Variants in MAST4 observed in about 807,000 individuals in gnomAD.
MAST4 encodes the protein microtubule associated serine/threonine kinase family member 4.
In MAST4, 89 loss-of-function variants were observed where a neutral mutation model predicts 162.7. The ratio of observed to expected loss-of-function variants is 0.55; its 90% CI spans 0.46 to 0.65. The LOEUF is 0.65. Ranked by LOEUF, MAST4 falls within the 30% of genes least tolerant of loss-of-function variation. MAST4 has a pLI of 0.00. For missense variants in MAST4, 3,153 were observed against 3,374.0 expected (o/e 0.93, Z 1.62); for synonymous variants, 1,479 against 1,361.1 (o/e 1.09, Z -1.91).
chr5:66,979,355 T>C (rs1748508469), intron 4 of MAST4, among the ~76,000 whole-genome samples: 1 of 152,088 alleles, frequency 6.6e-6, no homozygotes, highest in South Asian at 2.1e-4. Flanking sequence ...TGCTCCTTGT[T>C]CCTGTGGTTT....
chr5:66,825,318 C>T (rs1757195015), intron 3 of MAST4, among the ~76,000 whole-genome samples: 1 of 124,100 alleles, frequency 8.1e-6, no homozygotes, highest in Non-Finnish European at 1.8e-5. Context: ...ACACACAGGC[C>T]TAGTCCTACA....
At chr5:66,752,340 A>G (rs1375277658) in intron 1 of MAST4, among the ~76,000 whole-genome samples, 1 of 151,034 alleles carries the variant, frequency 6.6e-6, no homozygotes, top group Non-Finnish European at 1.5e-5. Context: ...ATTAAAAGAC[A>G]CAGACTGGCA....
intron 5 of MAST4, among the ~76,000 whole-genome samples, chr5:67,058,403 C>T (rs75612784): frequency 0.016 from 2,468 of 152,136 alleles, 46 homozygotes; most frequent in African/African-American, 0.044. Flanking sequence ...CCCTTTTGCC[C>T]GGCAAATTAA....
intron 3 of MAST4, among the ~76,000 whole-genome samples, chr5:66,850,436 C>A (rs1391568410): frequency 6.6e-6 from 1 of 152,120 alleles, no homozygotes; most frequent in Admixed American, 6.6e-5. Flanking sequence ...TCTGTGTGGC[C>A]ACATTGAACT....
At chr5:67,100,373 C>T (rs1196018231) in intron 7 of MAST4, 62 bp from the exon 8 acceptor site, 2 of 1,556,490 alleles carry the variant, frequency 1.3e-6, no homozygotes, top group Non-Finnish European at 1.8e-6. Context: ...ATCGATCTCT[C>T]CTGTTCATTT....
At position 66,923,735 on chromosome 5, in the gene MAST4, C is replaced by G. The variant is rs376408272; in HGVS notation, c.674+23753C>G. Reference sequence around the variant, plus strand: ...GGTTGCTGCTCTAGAAATCATCCTGCCTGTGTTTGTAACCCTGCCTGCTGA... The same window carrying G: ...GGTTGCTGCTCTAGAAATCATCCTGGCTGTGTTTGTAACCCTGCCTGCTGA... On this transcript the variant is annotated intron_variant, in intron 4 of 28. Transcript: ENST00000403625. Among the ~76,000 whole-genome samples the G allele has an allele frequency of 6.6e-5, 10 of 152,228 alleles. 1 individual carries two copies. Among genetic ancestry groups the G allele is most frequent in the African/African-American group, 2.4e-4 (10 of 41,544 alleles).
At chr5:66,975,420 C>G (rs1261753276) in intron 4 of MAST4, among the ~76,000 whole-genome samples, 1 of 152,106 alleles carries the variant, frequency 6.6e-6, no homozygotes, top group East Asian at 1.9e-4. Context: ...GAAGAAGGAG[C>G]CCAGGAGTAA....
At chr5:66,736,695 T>G (rs967392278) in intron 1 of MAST4, among the ~76,000 whole-genome samples, 3 of 152,250 alleles carry the variant, frequency 2.0e-5, no homozygotes, top group Non-Finnish European at 4.4e-5. Context: ...TCTATTCTTT[T>G]CTTTGCTCTT....
chr5:66,933,735 T>A (rs1742419829), intron 4 of MAST4, among the ~76,000 whole-genome samples: 1 of 152,234 alleles, frequency 6.6e-6, no homozygotes, highest in African/African-American at 2.4e-5. Flanking sequence ...CAAGTGGTAG[T>A]AGTTTGTCTT....
chr5:66,854,271 A>G (rs2149819584), intron 3 of MAST4, among the ~76,000 whole-genome samples: 1 of 152,292 alleles, frequency 6.6e-6, no homozygotes, highest in South Asian at 2.1e-4. Flanking sequence ...TGCCTAGACT[A>G]TTTATCCATA....
intron 2 of MAST4, among the ~76,000 whole-genome samples, chr5:66,769,700 T>C (rs1185264683): frequency 4.6e-5 from 7 of 152,218 alleles, no homozygotes; most frequent in Admixed American, 4.6e-4. Flanking sequence ...TATTATCCTG[T>C]TACAGGACCG....
chr5:67,163,355 G>T lies in MAST4; in HGVS notation c.4176G>T (p.Pro1392=), dbSNP rs758838862. ...CTCCAACCCCGCAACCCACCTCCCC[G>T]CAGCGGTCACCATCCCCTCTTCTGG... ...TPSPTPQPTS[P]QRSPSPLLGH... is the part of the protein sequence containing the mutation. Residue 1392 remains proline, a synonymous_variant, in exon 29 of 29, where the codon CCG becomes CCT. Transcript: ENST00000403625. This position sits in a 1 kb window ranked among gnomAD's most constrained non-coding sequence, Gnocchi z 7.0. 6.2e-7 allele frequency: 1 copy of T among 1,612,260 alleles called. No individual in the cohort carries two copies. Among genetic ancestry groups the T allele is most frequent in the Non-Finnish European group, 8.5e-7 (1 of 1,179,824 alleles).
chr5:66,651,870 A>G (rs959364429), intron 1 of MAST4, among the ~76,000 whole-genome samples: 3 of 152,138 alleles, frequency 2.0e-5, no homozygotes, highest in African/African-American at 7.2e-5. Flanking sequence ...CTGGCTGTTG[A>G]CCAGAGAACT....
At chr5:66,818,914 G>A (rs1243670724) in intron 3 of MAST4, among the ~76,000 whole-genome samples, 3 of 152,116 alleles carry the variant, frequency 2.0e-5, no homozygotes, top group Admixed American at 6.6e-5. Flanking sequence ...AAATTGGACC[G>A]GTCTCTTTTC....
intron 10 of MAST4, among the ~76,000 whole-genome samples, chr5:67,109,098 A>C (rs1351138822): frequency 6.6e-6 from 1 of 152,138 alleles, no homozygotes; most frequent in Non-Finnish European, 1.5e-5. Flanking sequence ...ATTAACAAAC[A>C]GTTTTGCTCT....
chr5:66,681,063 A>G (rs1426896026), intron 1 of MAST4, among the ~76,000 whole-genome samples: 2 of 152,220 alleles, frequency 1.3e-5, no homozygotes, highest in Non-Finnish European at 2.9e-5. Context: ...TCCCAAATCC[A>G]GCTTCACATT....
chr5:66,856,787 C>T (rs1490250470), intron 3 of MAST4, among the ~76,000 whole-genome samples: 1 of 152,138 alleles, frequency 6.6e-6, no homozygotes, highest in Non-Finnish European at 1.5e-5. Context: ...TTAGACTGTC[C>T]TCTTGTTTTA....
chr5:66,861,038 T>C (rs1306490604), intron 3 of MAST4, among the ~76,000 whole-genome samples: 1 of 152,162 alleles, frequency 6.6e-6, no homozygotes, highest in Non-Finnish European at 1.5e-5. Flanking sequence ...GCTCAGTTAT[T>C]TTCAAAGAGG....
chr5:67,071,490 C>G (rs565416443), intron 5 of MAST4, among the ~76,000 whole-genome samples: 3 of 151,856 alleles, frequency 2.0e-5, no homozygotes, highest in Non-Finnish European at 4.4e-5. Context: ...TGGTGGCTCA[C>G]GCCTGTAATC....
Sources: allele counts gnomAD v4.1 joint callset (sites outside exome capture counted in the v4.1 genomes callset), GRCh38; gene constraint gnomAD v4.1.1; non-coding constraint Gnocchi (gnomAD v3.1); transcripts MANE v1.5; gene names NCBI Gene and HGNC (gene_info 2026-07-23, HGNC 2026-07-21).